FGF14: variants seen among roughly 807,000 people sequenced by gnomAD.
FGF14 encodes the protein fibroblast growth factor homologous factor 4.
A neutral mutation model predicts 25.5 loss-of-function variants in FGF14; 5 were observed. The observed-to-expected ratio is 0.20, with a 90% confidence interval of 0.10 to 0.41. The LOEUF (loss-of-function observed/expected upper bound fraction) is 0.41. FGF14 is among the 10% of genes least tolerant of loss of function. FGF14 has a pLI of 1.00. For synonymous variants in FGF14, 138 were observed against 118.3 expected (o/e 1.17, Z -1.08); for missense variants, 222 against 320.1 (o/e 0.69, Z 2.34).
Position 101,868,258 on chromosome 13 carries a change from A to G in FGF14, c.408+467T>C, listed in dbSNP as rs1478941685. ...TGCTCAGCTTCCAATAAATATTACC[A>G]CAAAACACAGAGGCTTGCAAGAAAT... On this transcript the variant is annotated intron_variant, in intron 3 of 4. Coordinates refer to ENST00000376143, the MANE Select transcript of FGF14 (RefSeq NM_004115.4). The G allele has an allele frequency of 2.7e-5, 5 of 184,808 alleles. No individual in the cohort carries two copies. In the South Asian group the frequency reaches 5.6e-4, roughly 21 times the overall value. 11.4% of individuals were successfully genotyped at this position (184,808 alleles called of 1,614,324 possible). A position where few individuals can be genotyped will look rare whatever the true frequency, so the allele number is the denominator to read the frequency against.
rs1244729060 is a variant in FGF14, at chr13:102,161,631, G to C, written c.208+239840C>G. Among the ~76,000 whole-genome samples the C allele has an allele frequency of 5.4e-3, 36 of 6,624 alleles. 2 individuals are homozygous for C. Among genetic ancestry groups the C allele is most frequent in the Non-Finnish European group, 6.9e-3 (25 of 3,622 alleles). The allele number at this position is 6,624 out of a possible 152,430, so 4.3% of individuals were successfully genotyped here. A position where few individuals can be genotyped will look rare whatever the true frequency, so the allele number is the denominator to read the frequency against. On this transcript the variant is annotated intron_variant, in intron 1 of 4. Transcript: ENST00000376131. Reference sequence around the variant, plus strand: ...AGAAGAAGAAGAAGAAGAAGAAGAAGAAGAAGAAGAAGAAGAAGAAGAAGA... The same window carrying C: ...AGAAGAAGAAGAAGAAGAAGAAGAACAAGAAGAAGAAGAAGAAGAAGAAGA...
At chr13:101,946,809 G>A (rs1487922279) in intron 1 of FGF14, among the ~76,000 whole-genome samples, 1 of 152,220 alleles carries the variant, frequency 6.6e-6, no homozygotes, top group South Asian at 2.1e-4. Flanking sequence ...GATTACATTA[G>A]ATAAATTCAA....
chr13:102,348,827 C>A (rs976519112), intron 1 of FGF14, among the ~76,000 whole-genome samples: 3 of 152,200 alleles, frequency 2.0e-5, no homozygotes, highest in African/African-American at 7.2e-5. Flanking sequence ...ACATCAGACA[C>A]GGGACCACTT....
chr13:102,074,155 T>C lies in FGF14; in HGVS notation c.209-198859A>G, dbSNP rs569470382. ...GCCTCCAAGTAGGTGGGACTACAAG[T>C]GTGCACCACCATACCTGGCAATTTT... On this transcript the variant is annotated intron_variant, in intron 1 of 4. Transcript: ENST00000376131. 4.4e-4 allele frequency among the ~76,000 whole-genome samples: 67 copies of C among 152,270 alleles called. 2 individuals carry two copies. The South Asian group carries it at 0.013, about 30-fold the overall frequency.
At chr13:102,262,224 T>A (rs775938350) in intron 1 of FGF14, among the ~76,000 whole-genome samples, 1 of 152,162 alleles carries the variant, frequency 6.6e-6, no homozygotes, top group African/African-American at 2.4e-5. Context: ...AAAATAAACA[T>A]TTTAAGTGCT....
At chr13:102,387,431 C>G (rs941541224) in intron 1 of FGF14, among the ~76,000 whole-genome samples, 2 of 152,078 alleles carry the variant, frequency 1.3e-5, no homozygotes, top group Non-Finnish European at 2.9e-5. Context: ...AACACTAGAG[C>G]CACAGCAGCA....
chr13:101,857,984 T>A (rs1340069007), intron 3 of FGF14, among the ~76,000 whole-genome samples: 1 of 152,050 alleles, frequency 6.6e-6, no homozygotes, highest in African/African-American at 2.4e-5. Context: ...TCAATAAGAA[T>A]TGTTTTAGTT....
intron 1 of FGF14, among the ~76,000 whole-genome samples, chr13:102,263,984 C>T (rs1343817334): frequency 6.8e-6 from 1 of 146,462 alleles, no homozygotes; most frequent in Non-Finnish European, 1.5e-5. Context: ...CTTTCCAAAT[C>T]GAGAACCCCT....
rs562165278 is a variant in FGF14, at chr13:101,781,158, C to T, written c.409-54348G>A. On this transcript the variant is annotated intron_variant, in intron 3 of 4. Coordinates refer to ENST00000376143, the MANE Select transcript of FGF14 (RefSeq NM_004115.4). ...TTTGTCTCTCTCTCTCTCTCACTCA[C>T]TCATTTCAGTTAAGTTGTATGTCCC... is the stretch of plus-strand genomic sequence containing the variant. 2.0e-5 allele frequency among the ~76,000 whole-genome samples: 3 copies of T among 152,048 alleles called. No individual in the cohort carries two copies. In the South Asian group the frequency reaches 6.2e-4, roughly 32 times the overall value.
In FGF14 at chr13:101,916,921, G is replaced by A. The variant is rs529514782; in HGVS notation, c.-276C>T. ...TGGCCGCCGCCGCTTGGCCACGTCCGAGTGGAGAGCGGGACCGCGGCTGCG... is the reference window on the plus strand; with the variant it reads ...TGGCCGCCGCCGCTTGGCCACGTCCAAGTGGAGAGCGGGACCGCGGCTGCG... On this transcript the variant is annotated 5_prime_UTR_variant, in exon 1 of 5. Coordinates refer to ENST00000376143, the MANE Select transcript of FGF14 (RefSeq NM_004115.4). Among the ~76,000 whole-genome samples, 92 of 152,086 alleles carry A rather than the reference G, an allele frequency of 6.0e-4. No individual in the cohort carries two copies. Among genetic ancestry groups the A allele is most frequent in the African/African-American group, 2.1e-3 (89 of 41,540 alleles).
intron 3 of FGF14, among the ~76,000 whole-genome samples, chr13:101,846,522 C>T (rs1019047211): frequency 6.6e-6 from 1 of 152,044 alleles, no homozygotes; most frequent in Non-Finnish European, 1.5e-5. Context: ...CCCCTCTTCT[C>T]TGTTGAAATT....
At position 102,400,245 on chromosome 13, in the gene FGF14, G is replaced by A. The variant is rs565518349; in HGVS notation, c.208+1226C>T. On this transcript the variant is annotated intron_variant, in intron 1 of 4. Transcript: ENST00000376131. The surrounding 1 kb of genome is among the most constrained non-coding windows in gnomAD (Gnocchi z 4.3). ...CAGAGCCCAGGGCGTCAGGGAGGCC[G>A]TGGAGAGCCATGATCTACTGCACCG... Among the ~76,000 whole-genome samples the A allele has an allele frequency of 3.9e-5, 6 of 152,318 alleles. No individual in the cohort carries two copies. In the South Asian group the frequency reaches 8.3e-4, roughly 21 times the overall value.
At chr13:101,918,007 T>C (rs2033702233), upstream of FGF14, among the ~76,000 whole-genome samples, 1 of 152,106 alleles carries the variant, frequency 6.6e-6, no homozygotes, top group African/African-American at 2.4e-5. Context: ...ATTTGAGCTG[T>C]CATCTTCTGG....
chr13:102,395,476 A>G (rs535171777), intron 1 of FGF14: 3 of 152,198 alleles, frequency 2.0e-5, no homozygotes, highest in South Asian at 2.1e-4. Context: ...GGCCAAGGGA[A>G]TGTCTGCAGG....
intron 1 of FGF14, among the ~76,000 whole-genome samples, chr13:101,876,797 T>C (rs1229373854): frequency 6.6e-6 from 1 of 152,074 alleles, no homozygotes; most frequent in African/African-American, 2.4e-5. Flanking sequence ...TATGCACTAG[T>C]GGAAAAAAAA....
chr13:102,333,472 C>T lies in FGF14; in HGVS notation c.208+67999G>A, dbSNP rs570666450. On this transcript the variant is annotated intron_variant, in intron 1 of 4. Coordinates refer to the FGF14 transcript ENST00000376131. ...TTATGTCATTGGTTCTAAACTGAGT[C>T]CCCTGCTATACCGTTTCCTATGGAC... Among the ~76,000 whole-genome samples the T allele has an allele frequency of 2.0e-5, 3 of 152,288 alleles. No individual in the cohort carries two copies. In the South Asian group the frequency reaches 6.2e-4, roughly 32 times the overall value.
chr13:102,256,603 T>C (rs2052452388), intron 1 of FGF14, among the ~76,000 whole-genome samples: 1 of 152,246 alleles, frequency 6.6e-6, no homozygotes, highest in Admixed American at 6.5e-5. Context: ...TGGGAACTAC[T>C]GAATCAGACG....
chr13:102,092,051 T>C (rs1240049411), intron 1 of FGF14, among the ~76,000 whole-genome samples: 1 of 152,212 alleles, frequency 6.6e-6, no homozygotes, highest in African/African-American at 2.4e-5. Flanking sequence ...TACTGACTGA[T>C]GTGGGGATGA....
At chr13:101,901,690 C>A (rs1043922599) in intron 1 of FGF14, among the ~76,000 whole-genome samples, 2 of 151,968 alleles carry the variant, frequency 1.3e-5, no homozygotes, top group Non-Finnish European at 2.9e-5. Context: ...GGGGACAGAG[C>A]AAGACTCTGT....
Sources: allele counts gnomAD v4.1 joint callset (sites outside exome capture counted in the v4.1 genomes callset), GRCh38; gene constraint gnomAD v4.1.1; non-coding constraint Gnocchi (gnomAD v3.1); transcripts MANE v1.5; gene names NCBI Gene and HGNC (gene_info 2026-07-23, HGNC 2026-07-21).